The following DGKB variants were observed in gnomAD, a reference collection of about 807,000 sequenced individuals.
DGKB encodes diacylglycerol kinase beta.
In DGKB, 67 loss-of-function variants were observed where a neutral mutation model predicts 114.3. That is an observed-to-expected ratio of 0.59 (90% confidence interval 0.48 to 0.72). The LOEUF is 0.72. DGKB is among the 30% of genes least tolerant of loss of function. The pLI is 0.00. For missense variants in DGKB, 907 were observed against 975.2 expected (o/e 0.93, Z 0.93); for synonymous variants, 398 against 323.1 (o/e 1.23, Z -2.49).
At chr7:14,783,898 A>G (rs1181472077) in intron 2 of DGKB, among the ~76,000 whole-genome samples, 1 of 152,178 alleles carries the variant, frequency 6.6e-6, no homozygotes. Context: ...CACACACATA[A>G]AAGAATAAGC....
intron 10 of DGKB, among the ~76,000 whole-genome samples, chr7:14,683,967 T>C (rs567125577): frequency 6.6e-6 from 1 of 152,280 alleles, no homozygotes; most frequent in Admixed American, 6.5e-5. Context: ...GTTTTATGTG[T>C]TCTTGTTAAC....
At chr7:14,876,889 C>G (rs921344266) in intron 1 of DGKB, among the ~76,000 whole-genome samples, 2 of 152,152 alleles carry the variant, frequency 1.3e-5, no homozygotes, top group Non-Finnish European at 2.9e-5. Flanking sequence ...TTCCAAATTA[C>G]TTTTCTTATA....
intron 2 of DGKB, among the ~76,000 whole-genome samples, chr7:14,825,196 T>G (rs1845532723): frequency 6.6e-6 from 1 of 151,672 alleles, no homozygotes; most frequent in Non-Finnish European, 1.5e-5. Flanking sequence ...CAGGGCTGTC[T>G]TCTAGATCAC....
chr7:14,200,027 G>C (rs531307628), intron 23 of DGKB, among the ~76,000 whole-genome samples: 1 of 152,070 alleles, frequency 6.6e-6, no homozygotes, highest in East Asian at 1.9e-4. Flanking sequence ...TTCACTCCAG[G>C]TTCAGAGCTG....
intron 21 of DGKB, among the ~76,000 whole-genome samples, chr7:14,464,987 A>G (rs1833616315): frequency 6.6e-6 from 1 of 152,160 alleles, no homozygotes; most frequent in African/African-American, 2.4e-5. Context: ...TGATATGAGT[A>G]GCAGCGACAG....
At chr7:14,479,586 T>G (rs923489298) in intron 20 of DGKB, among the ~76,000 whole-genome samples, 1 of 152,104 alleles carries the variant, frequency 6.6e-6, no homozygotes, top group Non-Finnish European at 1.5e-5. Flanking sequence ...CTTCCTGGTT[T>G]GCTAGGAAGT....
At chr7:14,570,746 T>C (rs1001167618) in intron 20 of DGKB, among the ~76,000 whole-genome samples, 1 of 151,928 alleles carries the variant, frequency 6.6e-6, no homozygotes, top group Admixed American at 6.6e-5. Flanking sequence ...GGGGTTGATC[T>C]TGCTCTCCCA....
rs34364672 is a variant in DGKB at position 14,244,669 on chromosome 7, CAAAA to C, written c.2123-66522_2123-66519del. Among the ~76,000 whole-genome samples, 462 of 46,334 alleles carry C rather than the reference CAAAA, an allele frequency of 1.0e-2. 4 individuals carry two copies. The highest frequency in any genetic ancestry group is 0.034 in the African/African-American group (405 of 11,994). The allele number at this position is 46,334 out of a possible 152,430, so 30.4% of individuals were successfully genotyped here. Reference sequence around the variant, plus strand: ...TGGGTGACAGAGTGAGACTCTGTCTCAAAAAAAAAAAAAAAAAAAAAAAAGGGGT... The same window carrying C: ...TGGGTGACAGAGTGAGACTCTGTCTCAAAAAAAAAAAAAAAAAAAAGGGGT... On this transcript the variant is annotated intron_variant, in intron 23 of 25. Coordinates refer to ENST00000402815, the MANE Select transcript of DGKB (RefSeq NM_001350709.2).
chr7:14,153,137 A>G (rs913668924), intron 25 of DGKB, among the ~76,000 whole-genome samples: 11 of 152,064 alleles, frequency 7.2e-5, no homozygotes, highest in African/African-American at 2.7e-4. Flanking sequence ...GAGGGAAGAG[A>G]GATGGGTCTT....
At chr7:14,444,503 C>T (rs1830479118) in intron 21 of DGKB, among the ~76,000 whole-genome samples, 1 of 151,782 alleles carries the variant, frequency 6.6e-6, no homozygotes, top group Non-Finnish European at 1.5e-5. Flanking sequence ...CCAACAGTTA[C>T]AAGTTTTGTA....
At chr7:14,456,813 T>G (rs1203453930) in intron 21 of DGKB, among the ~76,000 whole-genome samples, 1 of 152,122 alleles carries the variant, frequency 6.6e-6, no homozygotes, top group Non-Finnish European at 1.5e-5. Context: ...AACCTAATTA[T>G]CACCTTCTTA....
intron 1 of DGKB, among the ~76,000 whole-genome samples, chr7:14,858,616 T>C (rs979679700): frequency 6.6e-6 from 1 of 152,070 alleles, no homozygotes; most frequent in African/African-American, 2.4e-5. Context: ...AGGTGGATTA[T>C]CATTAGGTGG....
chr7:14,702,920 C>G (rs571010965), intron 6 of DGKB, among the ~76,000 whole-genome samples: 2 of 152,132 alleles, frequency 1.3e-5, no homozygotes, highest in South Asian at 4.1e-4. Flanking sequence ...TTGTAAGAGG[C>G]AAACAAATGT....
At chr7:14,567,643 G>C (rs552042522) in intron 20 of DGKB, among the ~76,000 whole-genome samples, 1 of 138,896 alleles carries the variant, frequency 7.2e-6, no homozygotes, top group Non-Finnish European at 1.5e-5. Flanking sequence ...GTCTCACTCC[G>C]TTGTGCAGGC....
intron 13 of DGKB, among the ~76,000 whole-genome samples, chr7:14,634,742 T>G (rs1211506690): frequency 6.6e-6 from 1 of 151,620 alleles, no homozygotes; most frequent in East Asian, 1.9e-4. Context: ...AACAAGATAA[T>G]AAAGTGTATT....
chr7:14,495,475 C>G (rs938059481), intron 20 of DGKB, among the ~76,000 whole-genome samples: 1 of 151,674 alleles, frequency 6.6e-6, no homozygotes, highest in African/African-American at 2.4e-5. Context: ...GGCTTATAGT[C>G]TTTTGAAAGG....
chr7:14,745,659 A>G (rs1206156239), intron 4 of DGKB, among the ~76,000 whole-genome samples: 1 of 152,206 alleles, frequency 6.6e-6, no homozygotes, highest in Non-Finnish European at 1.5e-5. Flanking sequence ...TGCTTTATGC[A>G]GGGGAGGAGC....
At chr7:14,913,248 C>G (rs1490401616) in intron 1 of DGKB, among the ~76,000 whole-genome samples, 2 of 151,878 alleles carry the variant, frequency 1.3e-5, no homozygotes. Flanking sequence ...ACACTCCGCT[C>G]TGTTCTCTTC....
At chr7:14,191,960 G>A (rs1470966802) in intron 23 of DGKB, 3 of 657,340 alleles carry the variant, frequency 4.6e-6, no homozygotes, top group South Asian at 1.5e-5. Flanking sequence ...GTCTGGTGAT[G>A]CTACCATTGT....
Sources: allele counts gnomAD v4.1 joint callset (sites outside exome capture counted in the v4.1 genomes callset), GRCh38; gene constraint gnomAD v4.1.1; transcripts MANE v1.5; gene names NCBI Gene and HGNC (gene_info 2026-07-23, HGNC 2026-07-21).